The following NR2E1 variants were observed in gnomAD, a reference collection of about 807,000 sequenced individuals.
NR2E1 encodes the protein nuclear receptor TLX.
NR2E1 carries 5 observed loss-of-function variants against 43.6 expected under a neutral mutation model. That is an observed-to-expected ratio of 0.11 (90% CI 0.06 to 0.24). The LOEUF is 0.24. NR2E1 is among the 10% of genes least tolerant of loss of function. NR2E1 has a pLI of 1.00. For synonymous variants in NR2E1, 191 were observed against 195.5 expected, an observed-to-expected ratio of 0.98 and a Z score of 0.19; for missense variants, 287 against 496.7, an observed-to-expected ratio of 0.58 and a Z score of 4.01.
Position 108,166,895 on chromosome 6 carries a change from T to A in NR2E1, c.25+105T>A. The A allele has an allele frequency of 3.3e-6, 4 of 1,199,568 alleles. No homozygotes were observed. The highest frequency in any genetic ancestry group is 4.8e-6 in the Non-Finnish European group (4 of 838,978). The allele number at this position is 1,199,568 out of a possible 1,614,324, so 74.3% of individuals were successfully genotyped here. A position where few individuals can be genotyped will look rare whatever the true frequency, so the allele number is the denominator to read the frequency against. Reference sequence around the variant, plus strand: ...CTGGAGCGCTGCGAATCTGAGCCCCTGAGAGGGATTCCAGCGGGCGTGTGC... The same window carrying A: ...CTGGAGCGCTGCGAATCTGAGCCCCAGAGAGGGATTCCAGCGGGCGTGTGC... On this transcript the variant is annotated intron_variant, in intron 1 of 8. Coordinates refer to ENST00000368986, the MANE Select transcript of NR2E1 (RefSeq NM_003269.5). The surrounding 1 kb of genome is among the most constrained non-coding windows in gnomAD (Gnocchi z 7.2).
At chr6:108,184,020 C>T (rs1404074487) in intron 8 of NR2E1, among the ~76,000 whole-genome samples, 2 of 151,964 alleles carry the variant, frequency 1.3e-5, no homozygotes, top group African/African-American at 2.4e-5. Flanking sequence ...TGGTGAAACC[C>T]GTCTCTACCA....
chr6:108,180,655 T>A lies in NR2E1; in HGVS notation c.740-152T>A. The A allele has an allele frequency of 2.5e-6, 2 of 800,640 alleles. No individual in the cohort carries two copies. Among genetic ancestry groups the A allele is most frequent in the Non-Finnish European group, 4.1e-6 (2 of 492,902 alleles). 49.6% of individuals were successfully genotyped at this position (800,640 alleles called of 1,614,324 possible). ...TATCATCCAAGAGAAGATTTTATAT[T>A]AACTTTCATACAATATAGCCGGTTT... On this transcript the variant is annotated intron_variant, in intron 6 of 8. Transcript: ENST00000368986. This position sits in a 1 kb window ranked among gnomAD's most constrained non-coding sequence, Gnocchi z 5.4.
chr6:108,166,473 T>C lies in NR2E1; in HGVS notation c.-293T>C. The C allele has an allele frequency of 2.5e-6, 1 of 399,546 alleles. No homozygotes were observed. The highest frequency in any genetic ancestry group is 4.4e-6 in the Non-Finnish European group (1 of 228,136). The allele number at this position is 399,546 out of a possible 1,614,324, so 24.8% of individuals were successfully genotyped here. ...GTTCTTCCTTCTTCCTCAGTCTTCCTGTCCATCTCTCCATCTGTCTGTCCA... is the reference window on the plus strand; with the variant it reads ...GTTCTTCCTTCTTCCTCAGTCTTCCCGTCCATCTCTCCATCTGTCTGTCCA... On this transcript the variant is annotated 5_prime_UTR_variant, in exon 1 of 9. Coordinates refer to ENST00000368986, the MANE Select transcript of NR2E1 (RefSeq NM_003269.5). The surrounding 1 kb of genome is among the most constrained non-coding windows in gnomAD (Gnocchi z 7.2).
In NR2E1 at chr6:108,169,191, C is replaced by T. The variant is rs1773763607; in HGVS notation, c.26-2267C>T. 6.6e-6 allele frequency among the ~76,000 whole-genome samples: 1 copy of T among 152,184 alleles called. No homozygotes were observed. Among genetic ancestry groups the T allele is most frequent in the South Asian group, 2.1e-4 (1 of 4,832 alleles). ...CCGCTATGCCCCGGAATTTTCGCGTCCCTCCCTCCTGGGCCCCGCCCCAGC... is the reference window on the plus strand; with the variant it reads ...CCGCTATGCCCCGGAATTTTCGCGTTCCTCCCTCCTGGGCCCCGCCCCAGC... On this transcript the variant is annotated intron_variant, in intron 1 of 8. Coordinates refer to ENST00000368986, the MANE Select transcript of NR2E1 (RefSeq NM_003269.5). This position sits in a 1 kb window ranked among gnomAD's most constrained non-coding sequence, Gnocchi z 6.1.
chr6:108,180,653 AT>A lies in NR2E1; in HGVS notation c.740-152del, dbSNP rs1432434825. Among the ~76,000 whole-genome samples the A allele has an allele frequency of 6.6e-6, 1 of 152,232 alleles. No individual in the cohort carries two copies. Among genetic ancestry groups the A allele is most frequent in the Non-Finnish European group, 1.5e-5 (1 of 68,034 alleles). ...GTTATCATCCAAGAGAAGATTTTAT[AT>A]TAACTTTCATACAATATAGCCGGTT... On this transcript the variant is annotated intron_variant, in intron 6 of 8. Coordinates refer to ENST00000368986, the MANE Select transcript of NR2E1 (RefSeq NM_003269.5). This position sits in a 1 kb window ranked among gnomAD's most constrained non-coding sequence, Gnocchi z 5.4.
intron 5 of NR2E1, 101 bp downstream of exon 5, chr6:108,178,342 C>T: frequency 7.9e-7 from 1 of 1,257,974 alleles, no homozygotes; most frequent in Non-Finnish European, 1.2e-6. Context: ...CCACCCAAGG[C>T]AGGCATCCAT....
Position 108,166,697 on chromosome 6 carries a change from GGCGAGGCGGGC to G in NR2E1, c.-66_-56del. ...CAGCTGGAGAGCGGCGGCGCCCGGCGGCGAGGCGGGCGCTGCCGGCCGGGACTCGGGCAGCG... is the reference window on the plus strand; with the variant it reads ...CAGCTGGAGAGCGGCGGCGCCCGGCGGCTGCCGGCCGGGACTCGGGCAGCG... On this transcript the variant is annotated 5_prime_UTR_variant, in exon 1 of 9. Transcript: ENST00000368986. This position sits in a 1 kb window ranked among gnomAD's most constrained non-coding sequence, Gnocchi z 7.2. The G allele has an allele frequency of 1.5e-6, 2 of 1,355,470 alleles. No individual in the cohort carries two copies. Among genetic ancestry groups the G allele is most frequent in the Non-Finnish European group, 1.9e-6 (2 of 1,031,200 alleles). The allele number at this position is 1,355,470 out of a possible 1,614,324, so 84.0% of individuals were successfully genotyped here.
Position 108,166,711 on chromosome 6 carries a change from T to C in NR2E1, c.-55T>C. The C allele has an allele frequency of 5.4e-6, 8 of 1,478,892 alleles. No homozygotes were observed. Among genetic ancestry groups the C allele is most frequent in the South Asian group, 1.3e-5 (1 of 78,178 alleles). 91.6% of individuals were successfully genotyped at this position (1,478,892 alleles called of 1,614,324 possible). A position where few individuals can be genotyped will look rare whatever the true frequency, so the allele number is the denominator to read the frequency against. ...CGGCGCCCGGCGGCGAGGCGGGCGC[T>C]GCCGGCCGGGACTCGGGCAGCGCCC... On this transcript the variant is annotated 5_prime_UTR_variant, in exon 1 of 9. Coordinates refer to ENST00000368986, the MANE Select transcript of NR2E1 (RefSeq NM_003269.5). The surrounding 1 kb of genome is among the most constrained non-coding windows in gnomAD (Gnocchi z 7.2).
intron 1 of NR2E1, 118 bp from the exon 2 acceptor site, chr6:108,171,340 T>C: frequency 8.8e-7 from 1 of 1,133,334 alleles, no homozygotes; most frequent in Non-Finnish European, 1.3e-6. Flanking sequence ...TCGGTGCTAA[T>C]CCCTTCAGAG....
intron 1 of NR2E1, 112 bp from the exon 2 acceptor site, chr6:108,171,346 C>G: frequency 8.4e-7 from 1 of 1,191,214 alleles, no homozygotes. Flanking sequence ...CTAATCCCTT[C>G]AGAGGTCAGA....
rs191535008 is a variant in NR2E1 at position 108,172,941 on chromosome 6, G to A, written c.171+1338G>A. Reference sequence around the variant, plus strand: ...TCCCAATAACTCCACAGGATTGTGCGATTACTGCGGGTTGTCAGATTTGAA... The same window carrying A: ...TCCCAATAACTCCACAGGATTGTGCAATTACTGCGGGTTGTCAGATTTGAA... On this transcript the variant is annotated intron_variant, in intron 2 of 8. Coordinates refer to ENST00000368986, the MANE Select transcript of NR2E1 (RefSeq NM_003269.5). Among the ~76,000 whole-genome samples, 360 of 152,290 alleles carry A rather than the reference G, an allele frequency of 2.4e-3. 2 individuals are homozygous for A. Among genetic ancestry groups the A allele is most frequent in the African/African-American group, 7.7e-3 (321 of 41,564 alleles).
intron 7 of NR2E1, 52 bp downstream of exon 7, chr6:108,181,008 A>C: frequency 7.5e-6 from 12 of 1,595,290 alleles, no homozygotes; most frequent in Non-Finnish European, 1.0e-5. Flanking sequence ...TTGCCACCTC[A>C]CTAATTCAGC....
intron 5 of NR2E1, 108 bp downstream of exon 5, chr6:108,178,349 C>A: frequency 8.4e-7 from 1 of 1,188,544 alleles, no homozygotes; most frequent in South Asian, 1.3e-5. Context: ...AGGCAGGCAT[C>A]CATTCTTAAT....
chr6:108,182,770 G>C (rs1203238857), intron 8 of NR2E1, among the ~76,000 whole-genome samples: 1 of 151,986 alleles, frequency 6.6e-6, no homozygotes, highest in African/African-American at 2.4e-5. Flanking sequence ...TGTTGGCCAG[G>C]CAGGTCTCGA....
At chr6:108,167,003 C>G (rs1004239129) in intron 1 of NR2E1, among the ~76,000 whole-genome samples, 6 of 152,064 alleles carry the variant, frequency 3.9e-5, no homozygotes, top group Non-Finnish European at 7.4e-5. Flanking sequence ...ATTGCTTGAT[C>G]CCCCCTGTCT....
intron 2 of NR2E1, among the ~76,000 whole-genome samples, chr6:108,172,857 T>C (rs150256490): frequency 6.6e-6 from 1 of 152,352 alleles, no homozygotes; most frequent in East Asian, 1.9e-4. Context: ...AATTGGCTAC[T>C]GTATCAGTTT....
At position 108,180,781 on chromosome 6, in the gene NR2E1, GTATT is replaced by G; in HGVS notation, c.740-22_740-19del. ...ATCATGAAAATGCCTTCATATTAGA[GTATT>G]TATCCCATATTTTTATTCTAGGCAT... On this transcript the variant is annotated intron_variant, in intron 6 of 8. Coordinates refer to ENST00000368986, the MANE Select transcript of NR2E1 (RefSeq NM_003269.5). The surrounding 1 kb of genome is among the most constrained non-coding windows in gnomAD (Gnocchi z 5.4). 1 of 1,609,742 alleles carries G rather than the reference GTATT, an allele frequency of 6.2e-7. No individual in the cohort carries two copies. The highest frequency in any genetic ancestry group is 8.5e-7 in the Non-Finnish European group (1 of 1,176,110).
At chr6:108,185,666 A>T (rs905597418) in intron 8 of NR2E1, among the ~76,000 whole-genome samples, 1 of 152,184 alleles carries the variant, frequency 6.6e-6, no homozygotes, top group African/African-American at 2.4e-5. Context: ...CTGGGATTAC[A>T]GGTATGAGCC....
intron 1 of NR2E1, among the ~76,000 whole-genome samples, chr6:108,167,098 C>G (rs1187914642): frequency 6.6e-6 from 1 of 152,014 alleles, no homozygotes; most frequent in African/African-American, 2.4e-5. Context: ...GATGGGGGGG[C>G]CATGGGGGCG....
Sources: gnomAD v4.1 joint callset for allele counts (sites outside exome capture counted in the v4.1 genomes callset) on GRCh38, gnomAD v4.1.1 for gene constraint, Gnocchi (gnomAD v3.1) non-coding constraint, MANE v1.5 for transcripts, NCBI Gene and HGNC (gene_info 2026-07-23, HGNC 2026-07-21) for gene names.